PDE11A: variants seen among roughly 807,000 people sequenced by gnomAD.
PDE11A encodes the protein phosphodiesterase 11A.
A neutral mutation model predicts 100.5 loss-of-function variants in PDE11A; 100 were observed. The observed-to-expected ratio is 1.00, with a 90% CI of 0.85 to 1.18. PDE11A has a LOEUF of 1.18. Among genes scored for constraint, PDE11A ranks in the 50% most tolerant of loss-of-function variants. PDE11A has a pLI of 0.00. For missense variants in PDE11A, 1,141 were observed against 1,152.6 expected, an observed-to-expected ratio of 0.99 and a Z score of 0.15; for synonymous variants, 381 against 420.8, an observed-to-expected ratio of 0.91 and a Z score of 1.16.
rs2105533576 is a variant in PDE11A, at chr2:177,697,378, G to A, written c.2299C>T (p.Leu767Phe). The A allele has an allele frequency of 6.2e-7, 1 of 1,602,478 alleles. No individual in the cohort carries two copies. Among genetic ancestry groups the A allele is most frequent in the South Asian group, 1.1e-5 (1 of 90,840 alleles). Residue 767 changes from leucine to phenylalanine, a missense_variant, in exon 15 of 20, where the codon CTT becomes TTT. Transcript: ENST00000286063. ...SSKEYSDLMQ[L>F]LKQSILATDL... is the part of the protein sequence containing the mutation. Reference sequence around the variant, plus strand: ...GTTGCCAATATTGACTGCTTCAAAAGCTGCATAAGGTCACTATATTCCTTG... The same window carrying A: ...GTTGCCAATATTGACTGCTTCAAAAACTGCATAAGGTCACTATATTCCTTG...
chr2:177,629,812 G>C (rs184663049), intron 19 of PDE11A, among the ~76,000 whole-genome samples: 2 of 152,288 alleles, frequency 1.3e-5, no homozygotes, highest in African/African-American at 4.8e-5. Flanking sequence ...AACTCTAGGG[G>C]ACACCAGCCA....
At chr2:178,080,799 C>T (rs1279861477) in intron 2 of PDE11A, among the ~76,000 whole-genome samples, 1 of 151,946 alleles carries the variant, frequency 6.6e-6, no homozygotes, top group African/African-American at 2.4e-5. Context: ...AGAGTAACTT[C>T]CACAGCAACT....
chr2:177,790,761 A>C (rs986298684), intron 9 of PDE11A, among the ~76,000 whole-genome samples: 23 of 152,248 alleles, frequency 1.5e-4, no homozygotes, highest in Non-Finnish European at 5.9e-5. Context: ...AAAGACATTT[A>C]TGCAGCCAAA....
chr2:177,835,998 G>T (rs943655915), intron 6 of PDE11A, among the ~76,000 whole-genome samples: 3 of 152,170 alleles, frequency 2.0e-5, no homozygotes. Flanking sequence ...CCCGACGAGC[G>T]CTGCCCCCTG....
chr2:177,929,726 A>T (rs1297002217), intron 2 of PDE11A, among the ~76,000 whole-genome samples: 2 of 152,154 alleles, frequency 1.3e-5, no homozygotes, highest in Non-Finnish European at 2.9e-5. Context: ...AATAAATTCC[A>T]CTTAGAACTT....
chr2:177,900,935 T>C (rs2084685323), intron 3 of PDE11A, among the ~76,000 whole-genome samples: 1 of 152,164 alleles, frequency 6.6e-6, no homozygotes, highest in Admixed American at 6.5e-5. Flanking sequence ...GCTTCTAATC[T>C]CCAAACTGTC....
At chr2:177,857,345 T>C (rs963144165) in intron 5 of PDE11A, among the ~76,000 whole-genome samples, 1 of 151,862 alleles carries the variant, frequency 6.6e-6, no homozygotes, top group African/African-American at 2.4e-5. Flanking sequence ...GCAATCTGAA[T>C]CCACATGAAG....
chr2:177,777,502 C>T, intron 9 of PDE11A, among the ~76,000 whole-genome samples: 1 of 152,096 alleles, frequency 6.6e-6, no homozygotes, highest in East Asian at 1.9e-4. Flanking sequence ...TAACAAATTG[C>T]AGAATCATAT....
At chr2:177,707,014 G>C (rs1022634336) in intron 13 of PDE11A, among the ~76,000 whole-genome samples, 37 of 151,994 alleles carry the variant, frequency 2.4e-4, no homozygotes, top group African/African-American at 8.9e-4. Flanking sequence ...TTTAGTTCAA[G>C]AGCTCACATA....
intron 1 of PDE11A, among the ~76,000 whole-genome samples, chr2:178,037,237 G>A (rs987673331): frequency 6.6e-6 from 1 of 152,136 alleles, no homozygotes; most frequent in Non-Finnish European, 1.5e-5. Context: ...CTTCTCAAAA[G>A]AAGACATTTA....
intron 19 of PDE11A, among the ~76,000 whole-genome samples, chr2:177,659,267 G>T (rs75624870): frequency 7.8e-6 from 1 of 128,196 alleles, no homozygotes; most frequent in African/African-American, 3.1e-5. Context: ...ATCTCAGGGG[G>T]AAAAAAAAAA....
At chr2:177,769,773 G>C (rs1198476058) in intron 9 of PDE11A, among the ~76,000 whole-genome samples, 1 of 151,282 alleles carries the variant, frequency 6.6e-6, no homozygotes, top group Non-Finnish European at 1.5e-5. Flanking sequence ...TGTAGTCCCA[G>C]CTATTCAGGG....
intron 19 of PDE11A, among the ~76,000 whole-genome samples, chr2:177,646,215 G>A (rs1391011350): frequency 6.6e-6 from 1 of 152,236 alleles, no homozygotes; most frequent in East Asian, 1.9e-4. Flanking sequence ...AGAGTTGGGA[G>A]TGGTGGGGAC....
At chr2:178,004,727 G>A (rs1322387939) in intron 2 of PDE11A, among the ~76,000 whole-genome samples, 1 of 152,152 alleles carries the variant, frequency 6.6e-6, no homozygotes, top group Admixed American at 6.5e-5. Flanking sequence ...AGCTATGGAT[G>A]TATCAGTCCC....
At chr2:178,070,135 T>C (rs546181761) in intron 1 of PDE11A, among the ~76,000 whole-genome samples, 1 of 152,352 alleles carries the variant, frequency 6.6e-6, no homozygotes, top group East Asian at 1.9e-4. Context: ...CTTTCTAGGA[T>C]TGTAGAGGAA....
At chr2:177,897,923 T>G in intron 4 of PDE11A, 135 bp downstream of exon 4, 1 of 726,738 alleles carries the variant, frequency 1.4e-6, no homozygotes, top group Non-Finnish European at 2.4e-6. Context: ...AAAACTTGTT[T>G]GATGAAAAGT....
chr2:177,705,083 G>C (rs981935052), intron 13 of PDE11A, among the ~76,000 whole-genome samples: 3 of 152,102 alleles, frequency 2.0e-5, no homozygotes, highest in South Asian at 4.1e-4. Context: ...CTTGTGATCT[G>C]CCCGCCTCGG....
intron 15 of PDE11A, among the ~76,000 whole-genome samples, chr2:177,696,115 G>A (rs896185476): frequency 1.3e-5 from 2 of 152,126 alleles, no homozygotes; most frequent in African/African-American, 4.8e-5. Flanking sequence ...AAGGTTGGGG[G>A]CAGATTATAG....
intron 17 of PDE11A, among the ~76,000 whole-genome samples, chr2:177,673,721 T>A (rs2080722468): frequency 6.6e-6 from 1 of 152,152 alleles, no homozygotes; most frequent in East Asian, 1.9e-4. Flanking sequence ...TGAATCACAT[T>A]TTTGGTGATG....
Sources: allele counts gnomAD v4.1 joint callset (sites outside exome capture counted in the v4.1 genomes callset), GRCh38; gene constraint gnomAD v4.1.1; transcripts MANE v1.5; gene names NCBI Gene and HGNC (gene_info 2026-07-23, HGNC 2026-07-21).